The following FSTL4 variants were observed in gnomAD, a reference collection of about 807,000 sequenced individuals.
FSTL4 encodes the protein follistatin-related protein 4.
Under a neutral mutation model 78.2 loss-of-function variants are expected in FSTL4, and 28 were observed. That is an observed-to-expected ratio of 0.36 (90% CI 0.27 to 0.49). FSTL4 has a LOEUF of 0.49. Ranked by LOEUF, FSTL4 falls within the 20% of genes least tolerant of loss-of-function variation. FSTL4 has a pLI of 0.98. For synonymous variants in FSTL4, 422 were observed against 440.5 expected (o/e 0.96, Z 0.53); for missense variants, 922 against 1,084.9 (o/e 0.85, Z 2.11).
At chr5:133,785,148 C>T in the FSTL4 span, among the ~76,000 whole-genome samples, 7 of 152,162 alleles carry the variant, frequency 4.6e-5, no homozygotes, top group African/African-American at 1.2e-4. Flanking sequence ...TCAAAGCACA[C>T]GAAGTCTTAC....
At chr5:133,471,222 T>G (rs1007564438) in intron 3 of FSTL4, among the ~76,000 whole-genome samples, 2 of 152,194 alleles carry the variant, frequency 1.3e-5, no homozygotes, top group Non-Finnish European at 2.9e-5. Flanking sequence ...CGCGTCTTTG[T>G]GTTGGAGGCA....
chr5:133,332,484 C>T (rs1580625339), intron 4 of FSTL4, among the ~76,000 whole-genome samples: 1 of 152,228 alleles, frequency 6.6e-6, no homozygotes, highest in African/African-American at 2.4e-5. Context: ...TCAGAGAACA[C>T]CTGGGGCCGG....
the FSTL4 span, among the ~76,000 whole-genome samples, chr5:133,836,220 G>A: frequency 2.6e-5 from 4 of 152,106 alleles, no homozygotes; most frequent in South Asian, 2.1e-4. Context: ...TTAATTTCCA[G>A]TTGTCCTGTC....
chr5:133,347,594 A>G (rs983006188), intron 4 of FSTL4, among the ~76,000 whole-genome samples: 1 of 152,096 alleles, frequency 6.6e-6, no homozygotes, highest in Non-Finnish European at 1.5e-5. Context: ...TCTGACCTCA[A>G]GTGATCCACC....
At chr5:133,696,657 T>G in the FSTL4 span, among the ~76,000 whole-genome samples, 1 of 152,202 alleles carries the variant, frequency 6.6e-6, no homozygotes, top group Non-Finnish European at 1.5e-5. Context: ...TGTGGATAAG[T>G]GAACAGATGG....
the FSTL4 span, among the ~76,000 whole-genome samples, chr5:133,705,829 G>A: frequency 3.3e-5 from 5 of 150,618 alleles, no homozygotes; most frequent in Non-Finnish European, 7.4e-5. Context: ...TTTCCAGAAA[G>A]CCTCCTGCAA....
At chr5:133,507,434 T>C (rs1031523496) in intron 3 of FSTL4, among the ~76,000 whole-genome samples, 1 of 152,086 alleles carries the variant, frequency 6.6e-6, no homozygotes, top group Admixed American at 6.5e-5. Flanking sequence ...CAGAGTCTAC[T>C]GCTCTTTTTT....
chr5:133,577,248 G>A (rs967747718), intron 2 of FSTL4, among the ~76,000 whole-genome samples: 2 of 152,240 alleles, frequency 1.3e-5, no homozygotes, highest in African/African-American at 4.8e-5. Context: ...TATTCTGGGG[G>A]AGGGTCTAAA....
the FSTL4 span, among the ~76,000 whole-genome samples, chr5:133,700,916 C>G: frequency 6.6e-6 from 1 of 152,196 alleles, no homozygotes; most frequent in Non-Finnish European, 1.5e-5. Context: ...CAGATAATGT[C>G]GAATGACAAA....
chr5:133,414,993 C>T (rs558560238), intron 3 of FSTL4, among the ~76,000 whole-genome samples: 1 of 152,356 alleles, frequency 6.6e-6, no homozygotes, highest in South Asian at 2.1e-4. Flanking sequence ...ATGCACCTCT[C>T]TTCCACCTCC....
At chr5:133,401,651 A>G (rs1025575181) in intron 3 of FSTL4, among the ~76,000 whole-genome samples, 1 of 152,214 alleles carries the variant, frequency 6.6e-6, no homozygotes, top group Admixed American at 6.5e-5. Context: ...TCAGGCAAAG[A>G]GCATGGGAGC....
chr5:133,226,254 A>G (rs1751328652), intron 8 of FSTL4, among the ~76,000 whole-genome samples: 1 of 152,214 alleles, frequency 6.6e-6, no homozygotes, highest in Non-Finnish European at 1.5e-5. Flanking sequence ...ACTGACTGGC[A>G]GGGCCTCTGT....
At chr5:133,208,542 C>T (rs1204345691) in intron 14 of FSTL4, among the ~76,000 whole-genome samples, 1 of 152,204 alleles carries the variant, frequency 6.6e-6, no homozygotes, top group African/African-American at 2.4e-5. Context: ...TAATAGTTAT[C>T]TTTTCTTTCT....
chr5:133,803,504 A>T, the FSTL4 span, among the ~76,000 whole-genome samples: 1 of 152,130 alleles, frequency 6.6e-6, no homozygotes, highest in Non-Finnish European at 1.5e-5. Flanking sequence ...CACAACTGTC[A>T]TCTCCCCAAG....
chr5:133,743,118 C>T, the FSTL4 span, among the ~76,000 whole-genome samples: 1 of 152,100 alleles, frequency 6.6e-6, no homozygotes, highest in Non-Finnish European at 1.5e-5. Context: ...AGAAAAAAAT[C>T]TAAGTACAGC....
the FSTL4 span, among the ~76,000 whole-genome samples, chr5:133,657,765 TGTTTTTTTTG>T: frequency 8.7e-6 from 1 of 114,760 alleles, no homozygotes; most frequent in African/African-American, 3.8e-5. Context: ...TACTGTTTTT[TGTTTTTTTTG>T]TTTTTTTTTT....
At chr5:133,498,650 G>A (rs574587093) in intron 3 of FSTL4, among the ~76,000 whole-genome samples, 10 of 151,678 alleles carry the variant, frequency 6.6e-5, no homozygotes, top group Admixed American at 6.6e-4. Flanking sequence ...CCTGGGAGGT[G>A]GAGGTTGCAG....
chr5:133,756,737 G>A, the FSTL4 span, among the ~76,000 whole-genome samples: 1 of 152,242 alleles, frequency 6.6e-6, no homozygotes, highest in South Asian at 2.1e-4. Flanking sequence ...GGACATAGCA[G>A]GTGCTATATC....
chr5:133,707,285 C>T, the FSTL4 span, among the ~76,000 whole-genome samples: 1 of 152,200 alleles, frequency 6.6e-6, no homozygotes, highest in Non-Finnish European at 1.5e-5. Flanking sequence ...CCTCTGGACG[C>T]TCCCCTCTCA....
Sources: gnomAD v4.1 joint callset for allele counts (sites outside exome capture counted in the v4.1 genomes callset) on GRCh38, gnomAD v4.1.1 for gene constraint, MANE v1.5 for transcripts, NCBI Gene and HGNC (gene_info 2026-07-23, HGNC 2026-07-21) for gene names.